THSD7B: variants seen among roughly 807,000 people sequenced by gnomAD.
THSD7B encodes thrombospondin type-1 domain-containing protein 7B.
In THSD7B, 138 loss-of-function variants were observed where a neutral mutation model predicts 213.6. The ratio of observed to expected loss-of-function variants is 0.65; its 90% CI spans 0.56 to 0.74. The LOEUF is 0.74. Ranked by LOEUF, THSD7B falls within the 30% of genes least tolerant of loss-of-function variation. The probability of loss-of-function intolerance (pLI) is 0.00; values close to 1 mark genes in which losing one functional copy is unlikely to be tolerated. For synonymous variants in THSD7B, 742 were observed against 687.0 expected, an observed-to-expected ratio of 1.08 and a Z score of -1.25; for missense variants, 1,931 against 1,991.5, an observed-to-expected ratio of 0.97 and a Z score of 0.58.
At chr2:137,134,472 G>T (rs1355714502) in intron 5 of THSD7B, among the ~76,000 whole-genome samples, 1 of 152,164 alleles carries the variant, frequency 6.6e-6, no homozygotes, top group Non-Finnish European at 1.5e-5. Context: ...GATGGCCCAA[G>T]TGTCAGCTGG....
intron 12 of THSD7B, among the ~76,000 whole-genome samples, chr2:137,367,478 C>A (rs946886245): frequency 2.0e-5 from 3 of 152,118 alleles, no homozygotes; most frequent in African/African-American, 2.4e-5. Flanking sequence ...ATTTTTAATT[C>A]TATGAACACA....
chr2:137,303,061 G>T (rs1348486157), intron 12 of THSD7B, among the ~76,000 whole-genome samples: 1 of 152,142 alleles, frequency 6.6e-6, no homozygotes, highest in Non-Finnish European at 1.5e-5. Context: ...GGAGTGCAAT[G>T]GCACAATCAT....
At chr2:137,313,312 A>G (rs1333199536) in intron 12 of THSD7B, among the ~76,000 whole-genome samples, 1 of 152,026 alleles carries the variant, frequency 6.6e-6, no homozygotes, top group Non-Finnish European at 1.5e-5. Flanking sequence ...CTGTTTTATC[A>G]GAGATGAGGA....
At chr2:137,365,171 G>A (rs2104941653) in intron 12 of THSD7B, among the ~76,000 whole-genome samples, 1 of 152,306 alleles carries the variant, frequency 6.6e-6, no homozygotes, top group African/African-American at 2.4e-5. Context: ...ACGGTGCTGG[G>A]AAAACTGGCT....
At chr2:137,617,270 G>A (rs1289145217) in intron 18 of THSD7B, among the ~76,000 whole-genome samples, 1 of 152,104 alleles carries the variant, frequency 6.6e-6, no homozygotes, top group African/African-American at 2.4e-5. Flanking sequence ...CTATACATGG[G>A]TTTGCTATTC....
chr2:137,212,683 T>G (rs1310681268), intron 7 of THSD7B, among the ~76,000 whole-genome samples: 1 of 152,014 alleles, frequency 6.6e-6, no homozygotes, highest in Non-Finnish European at 1.5e-5. Flanking sequence ...TTTTTTTTCC[T>G]GTGACTTATA....
chr2:137,381,191 C>T (rs796733967), intron 12 of THSD7B, among the ~76,000 whole-genome samples: 17 of 152,252 alleles, frequency 1.1e-4, no homozygotes, highest in African/African-American at 2.9e-4. Context: ...CGGTGGCAGC[C>T]GTATTGCTCA....
At chr2:136,958,284 A>C (rs1228131740) in intron 2 of THSD7B, among the ~76,000 whole-genome samples, 1 of 152,244 alleles carries the variant, frequency 6.6e-6, no homozygotes, top group African/African-American at 2.4e-5. Flanking sequence ...TTCAGCCTGC[A>C]TGAGCACAGG....
intron 27 of THSD7B, among the ~76,000 whole-genome samples, chr2:137,670,748 C>T (rs1017316501): frequency 2.0e-5 from 3 of 151,890 alleles, no homozygotes; most frequent in African/African-American, 7.3e-5. Flanking sequence ...AGTGAAACCC[C>T]GTCTCTACTA....
intron 2 of THSD7B, among the ~76,000 whole-genome samples, chr2:137,034,269 C>T (rs528731370): frequency 6.6e-6 from 1 of 152,136 alleles, no homozygotes; most frequent in South Asian, 2.1e-4. Flanking sequence ...ACACCTTACG[C>T]TAATTTTTGT....
At chr2:137,549,277 C>T (rs1344643890) in intron 15 of THSD7B, among the ~76,000 whole-genome samples, 3 of 149,908 alleles carry the variant, frequency 2.0e-5, no homozygotes, top group East Asian at 3.9e-4. Flanking sequence ...TGCTGCCTGC[C>T]AGAAGGCAGA....
At chr2:137,256,899 T>C (rs1682323061) in intron 10 of THSD7B, among the ~76,000 whole-genome samples, 1 of 152,170 alleles carries the variant, frequency 6.6e-6, no homozygotes, top group South Asian at 2.1e-4. Context: ...AAACAAAATT[T>C]ATTTCTTACA....
chr2:137,123,454 T>C (rs962347128), intron 5 of THSD7B, among the ~76,000 whole-genome samples: 3 of 152,188 alleles, frequency 2.0e-5, no homozygotes, highest in African/African-American at 7.2e-5. Context: ...TGTGGTTTGA[T>C]GATAAATGGT....
At chr2:136,767,915 C>G (rs576708888) in intron 1 of THSD7B, among the ~76,000 whole-genome samples, 1 of 152,060 alleles carries the variant, frequency 6.6e-6, no homozygotes, top group South Asian at 2.1e-4. Flanking sequence ...AATCTTCTGG[C>G]CCATTGTTTT....
chr2:137,177,349 T>C lies in THSD7B; in HGVS notation c.1723+6411T>C, dbSNP rs1680377353. Among the ~76,000 whole-genome samples, 2 of 152,202 alleles carry C rather than the reference T, an allele frequency of 1.3e-5. 1 individual carries two copies. Among genetic ancestry groups the C allele is most frequent in the South Asian group, 4.1e-4 (2 of 4,830 alleles). On this transcript the variant is annotated intron_variant, in intron 7 of 27. Transcript: ENST00000409968. The stretch of plus-strand genomic sequence containing the variant: ...ACTCTTATTTTCATTTTTTAGTTGA[T>C]TCCAGATTGTATTGGAATAGTTCTG...
At position 137,588,668 on chromosome 2, in the gene THSD7B, T is replaced by A. The variant is rs535706266; in HGVS notation, c.3423+16112T>A. 2.0e-3 allele frequency among the ~76,000 whole-genome samples: 310 copies of A among 152,182 alleles called. 4 individuals carry two copies. Among genetic ancestry groups the A allele is most frequent in the Non-Finnish European group, 1.6e-3 (112 of 68,004 alleles). ...TAGTCTCATGTATCTGTGATTACCA[T>A]CTTTTTATTACTTTTTATCACATAA... On this transcript the variant is annotated intron_variant, in intron 17 of 27. Transcript: ENST00000409968.
In THSD7B at chr2:137,456,416, C is replaced by T. The variant is rs926678339; in HGVS notation, c.3138+5393C>T. On this transcript the variant is annotated intron_variant, in intron 15 of 27. Coordinates refer to ENST00000409968, the MANE Select transcript of THSD7B (RefSeq NM_001316349.2). The stretch of plus-strand genomic sequence containing the variant: ...AAATAGGATAACTGCCATTCTATTA[C>T]AATATTTGTTTACACAGAAATATAT... Among the ~76,000 whole-genome samples the T allele has an allele frequency of 5.9e-5, 9 of 152,172 alleles. No individual in the cohort carries two copies. The East Asian group carries it at 1.5e-3, about 26-fold the overall frequency.
At chr2:137,638,578 A>G (rs1682878195) in intron 20 of THSD7B, among the ~76,000 whole-genome samples, 1 of 152,198 alleles carries the variant, frequency 6.6e-6, no homozygotes, top group South Asian at 2.1e-4. Context: ...ATACCTGAAA[A>G]TGTGGAAGCG....
At chr2:137,126,037 T>G (rs1688624227) in intron 5 of THSD7B, among the ~76,000 whole-genome samples, 1 of 152,108 alleles carries the variant, frequency 6.6e-6, no homozygotes, top group African/African-American at 2.4e-5. Flanking sequence ...TATGTTGGGG[T>G]TTGTTATTCC....
Sources: gnomAD v4.1 joint callset for allele counts (sites outside exome capture counted in the v4.1 genomes callset) on GRCh38, gnomAD v4.1.1 for gene constraint, MANE v1.5 for transcripts, NCBI Gene and HGNC (gene_info 2026-07-23, HGNC 2026-07-21) for gene names.